CCBE1: variants seen among roughly 807,000 people sequenced by gnomAD.
CCBE1 encodes the protein collagen and calcium-binding EGF domain-containing protein 1.
In CCBE1, 37 loss-of-function variants were observed where a neutral mutation model predicts 50.0. The observed-to-expected ratio is 0.74, with a 90% CI of 0.57 to 0.97. CCBE1 has a LOEUF of 0.97. CCBE1 is among the 50% of genes least tolerant of loss of function. The pLI is 0.00. For missense variants in CCBE1, 538 were observed against 523.8 expected (o/e 1.03, Z -0.26); for synonymous variants, 234 against 203.7 (o/e 1.15, Z -1.27).
At chr18:59,436,571 G>T (rs996250394) in intron 10 of CCBE1, among the ~76,000 whole-genome samples, 6 of 152,274 alleles carry the variant, frequency 3.9e-5, no homozygotes, top group African/African-American at 1.4e-4. Context: ...TCTGTAAAAC[G>T]GGGATAATAA....
chr18:59,644,764 A>T (rs574362397), intron 2 of CCBE1, among the ~76,000 whole-genome samples: 16 of 152,280 alleles, frequency 1.1e-4, no homozygotes, highest in African/African-American at 3.9e-4. Flanking sequence ...GAACAGGTGG[A>T]CAGAAACTCT....
chr18:59,569,298 C>A (rs747765076), intron 2 of CCBE1, among the ~76,000 whole-genome samples: 1 of 152,190 alleles, frequency 6.6e-6, no homozygotes, highest in Non-Finnish European at 1.5e-5. Context: ...GTTGCTTCAC[C>A]TGATGCCGAT....
At chr18:59,452,211 A>G (rs1910970909) in intron 6 of CCBE1, among the ~76,000 whole-genome samples, 1 of 152,146 alleles carries the variant, frequency 6.6e-6, no homozygotes, top group African/African-American at 2.4e-5. Flanking sequence ...GACTGCTAGC[A>G]TCTCCTTCTT....
intron 2 of CCBE1, among the ~76,000 whole-genome samples, chr18:59,689,792 C>T (rs1429575): frequency 0.83 from 126,531 of 152,158 alleles, 53,348 homozygotes; most frequent in Admixed American, 0.91. Flanking sequence ...AACACCTCCT[C>T]TTTGTAATGC....
At chr18:59,539,102 A>C (rs1206513308) in intron 2 of CCBE1, among the ~76,000 whole-genome samples, 1 of 152,036 alleles carries the variant, frequency 6.6e-6, no homozygotes, top group African/African-American at 2.4e-5. Flanking sequence ...CTTGAGCCCA[A>C]GAGGTCAAGG....
chr18:59,466,103 T>C (rs1045019414), intron 5 of CCBE1, among the ~76,000 whole-genome samples: 1 of 152,040 alleles, frequency 6.6e-6, no homozygotes, highest in Admixed American at 6.6e-5. Flanking sequence ...TATATAAAAA[T>C]ATATGTTATA....
intron 7 of CCBE1, among the ~76,000 whole-genome samples, chr18:59,447,223 G>A (rs1374863884): frequency 6.6e-6 from 1 of 152,146 alleles, no homozygotes; most frequent in Non-Finnish European, 1.5e-5. Flanking sequence ...ATATATGTGT[G>A]TGTATATATG....
chr18:59,460,711 C>T (rs930006379), intron 5 of CCBE1, among the ~76,000 whole-genome samples: 12 of 152,122 alleles, frequency 7.9e-5, no homozygotes, highest in South Asian at 4.1e-4. Context: ...GCAGGCAGAT[C>T]GCCTGAGATC....
At chr18:59,677,127 C>A (rs1379315485) in intron 2 of CCBE1, among the ~76,000 whole-genome samples, 2 of 152,110 alleles carry the variant, frequency 1.3e-5, no homozygotes, top group African/African-American at 4.8e-5. Context: ...GAATAGATTG[C>A]AAGAAGTTAA....
At chr18:59,606,004 C>T (rs2053493065) in intron 2 of CCBE1, among the ~76,000 whole-genome samples, 2 of 152,286 alleles carry the variant, frequency 1.3e-5, no homozygotes, top group Admixed American at 6.5e-5. Flanking sequence ...GCCTGAAGCA[C>T]GTCACTGCTC....
At chr18:59,489,360 G>T (rs1912979060) in intron 2 of CCBE1, among the ~76,000 whole-genome samples, 1 of 152,012 alleles carries the variant, frequency 6.6e-6, no homozygotes, top group Non-Finnish European at 1.5e-5. Context: ...GAGCCCCAAG[G>T]GGCTTTGGAG....
chr18:59,662,222 A>G (rs2144690667), intron 2 of CCBE1, among the ~76,000 whole-genome samples: 1 of 152,342 alleles, frequency 6.6e-6, no homozygotes, highest in South Asian at 2.1e-4. Context: ...ATGACAGCTG[A>G]CACCAGAAGA....
At chr18:59,653,331 T>C (rs2054149555) in intron 2 of CCBE1, among the ~76,000 whole-genome samples, 1 of 152,202 alleles carries the variant, frequency 6.6e-6, no homozygotes, top group East Asian at 1.9e-4. Context: ...GAGACAGATA[T>C]CAAAATTGTT....
chr18:59,614,518 G>C (rs550443468), intron 2 of CCBE1, among the ~76,000 whole-genome samples: 1 of 152,290 alleles, frequency 6.6e-6, no homozygotes, highest in African/African-American at 2.4e-5. Flanking sequence ...CTTTTCACTG[G>C]CTGTTTTTGC....
intron 2 of CCBE1, among the ~76,000 whole-genome samples, chr18:59,506,773 G>T (rs144470465): frequency 1.5e-4 from 23 of 152,302 alleles, no homozygotes; most frequent in African/African-American, 5.3e-4. Flanking sequence ...TGGAAAGTGT[G>T]TTTCTATCTG....
chr18:59,512,051 G>C (rs1207711084), intron 2 of CCBE1, among the ~76,000 whole-genome samples: 1 of 152,158 alleles, frequency 6.6e-6, no homozygotes, highest in African/African-American at 2.4e-5. Flanking sequence ...TTTCACCTGA[G>C]GTAGTTTACA....
chr18:59,661,739 G>T (rs1377860593), intron 2 of CCBE1, among the ~76,000 whole-genome samples: 3 of 152,154 alleles, frequency 2.0e-5, no homozygotes, highest in Non-Finnish European at 4.4e-5. Flanking sequence ...AGCCCGAGGC[G>T]GGAGGATGAC....
intron 2 of CCBE1, among the ~76,000 whole-genome samples, chr18:59,497,268 C>A (rs889426532): frequency 6.6e-6 from 1 of 152,150 alleles, no homozygotes; most frequent in Non-Finnish European, 1.5e-5. Context: ...TAATTGAATG[C>A]TGACCCTGAG....
intron 2 of CCBE1, among the ~76,000 whole-genome samples, chr18:59,482,351 T>C (rs1198221888): frequency 6.6e-6 from 1 of 151,952 alleles, no homozygotes. Context: ...TTGGTAGGAG[T>C]GTAAATTAGT....
Sources: allele counts gnomAD v4.1 joint callset (sites outside exome capture counted in the v4.1 genomes callset), GRCh38; gene constraint gnomAD v4.1.1; transcripts MANE v1.5; gene names NCBI Gene and HGNC (gene_info 2026-07-23, HGNC 2026-07-21).